The following CNTN6 variants were observed in gnomAD, a reference collection of about 807,000 sequenced individuals.
CNTN6 encodes contactin-6.
CNTN6 carries 137 observed loss-of-function variants against 122.8 expected under a neutral mutation model. The ratio of observed to expected loss-of-function variants is 1.12; its 90% CI spans 0.97 to 1.29. The LOEUF (loss-of-function observed/expected upper bound fraction) is 1.29. Ranked by LOEUF, CNTN6 falls within the 50% of genes most tolerant of loss-of-function variation. The probability of loss-of-function intolerance (pLI) is 0.00; values close to 1 mark genes in which losing one functional copy is unlikely to be tolerated. For missense variants in CNTN6, 1,634 were observed against 1,223.4 expected, an observed-to-expected ratio of 1.34 and a Z score of -5.01; for synonymous variants, 570 against 426.0, an observed-to-expected ratio of 1.34 and a Z score of -4.16.
intron 17 of CNTN6, among the ~76,000 whole-genome samples, chr3:1,379,352 C>T (rs1434830011): frequency 6.6e-6 from 1 of 152,078 alleles, no homozygotes; most frequent in African/African-American, 2.4e-5. Flanking sequence ...TTGCATGAGA[C>T]CATATATCCC....
At chr3:1,095,480 A>G (rs2124914400) in intron 1 of CNTN6, among the ~76,000 whole-genome samples, 1 of 152,256 alleles carries the variant, frequency 6.6e-6, no homozygotes, top group East Asian at 1.9e-4. Context: ...CAAACAAACA[A>G]ACAAACAAAC....
chr3:1,263,818 G>C (rs528861441), intron 4 of CNTN6, among the ~76,000 whole-genome samples: 1 of 152,112 alleles, frequency 6.6e-6, no homozygotes, highest in South Asian at 2.1e-4. Context: ...ATTGCTGACA[G>C]TGACTGGGCC....
intron 11 of CNTN6, among the ~76,000 whole-genome samples, chr3:1,330,952 C>G (rs901686405): frequency 6.6e-6 from 1 of 151,816 alleles, no homozygotes; most frequent in Admixed American, 6.6e-5. Context: ...TCAGAGAAAG[C>G]TAGAAGTCTG....
intron 2 of CNTN6, among the ~76,000 whole-genome samples, chr3:1,178,863 T>C (rs758741129): frequency 7.9e-5 from 12 of 152,166 alleles, no homozygotes; most frequent in Non-Finnish European, 1.3e-4. Context: ...CAGAGAGTAG[T>C]CTGTTTCACT....
intron 1 of CNTN6, among the ~76,000 whole-genome samples, chr3:1,125,894 T>C (rs2092142380): frequency 6.6e-6 from 1 of 151,894 alleles, no homozygotes; most frequent in Non-Finnish European, 1.5e-5. Context: ...GTGAACTAGA[T>C]AATGTTCTGC....
intron 20 of CNTN6, among the ~76,000 whole-genome samples, chr3:1,393,131 A>C (rs1366150902): frequency 3.0e-5 from 2 of 65,624 alleles, no homozygotes; most frequent in Non-Finnish European, 6.5e-5. Flanking sequence ...GGCACTATTC[A>C]CAATAGCAAA....
chr3:1,226,243 T>C (rs2094281911), intron 3 of CNTN6, among the ~76,000 whole-genome samples: 1 of 152,160 alleles, frequency 6.6e-6, no homozygotes, highest in Admixed American at 6.5e-5. Flanking sequence ...AAAATATTTT[T>C]AATATGATTT....
At chr3:1,239,249 C>T (rs918875437) in intron 4 of CNTN6, among the ~76,000 whole-genome samples, 10 of 152,086 alleles carry the variant, frequency 6.6e-5, no homozygotes, top group South Asian at 4.1e-4. Flanking sequence ...GCTGACGTTA[C>T]GATTGTATAC....
chr3:1,300,519 AAG>A (rs1206320470), intron 7 of CNTN6, among the ~76,000 whole-genome samples: 2 of 145,036 alleles, frequency 1.4e-5, no homozygotes, highest in Non-Finnish European at 3.0e-5. Context: ...GAAAGAAAGA[AAG>A]AAAGATAAAG....
chr3:1,307,934 G>C (rs192446778), intron 7 of CNTN6, among the ~76,000 whole-genome samples: 1 of 151,976 alleles, frequency 6.6e-6, no homozygotes, highest in Non-Finnish European at 1.5e-5. Context: ...TTTTTATCAG[G>C]GTTCTCCACT....
intron 2 of CNTN6, among the ~76,000 whole-genome samples, chr3:1,201,058 A>G (rs1379707475): frequency 1.3e-5 from 2 of 150,324 alleles, no homozygotes; most frequent in African/African-American, 4.9e-5. Flanking sequence ...TCCTGAGTAG[A>G]GTAGCTGGGA....
chr3:1,273,922 T>C (rs1691837056), intron 4 of CNTN6, among the ~76,000 whole-genome samples: 1 of 152,216 alleles, frequency 6.6e-6, no homozygotes, highest in African/African-American at 2.4e-5. Context: ...AGATGATTGA[T>C]GTTCCTAGGA....
chr3:1,246,913 G>C (rs1394234516), intron 4 of CNTN6, among the ~76,000 whole-genome samples: 6 of 152,102 alleles, frequency 3.9e-5, no homozygotes, highest in African/African-American at 1.4e-4. Flanking sequence ...TGATTCTAGA[G>C]AAGAGCACAA....
chr3:1,317,112 G>A (rs1700194976), intron 7 of CNTN6, among the ~76,000 whole-genome samples: 1 of 152,042 alleles, frequency 6.6e-6, no homozygotes, highest in Non-Finnish European at 1.5e-5. Flanking sequence ...CTGTGAAATT[G>A]TATAAACCTG....
intron 4 of CNTN6, among the ~76,000 whole-genome samples, chr3:1,244,023 C>T (rs1007136624): frequency 1.3e-5 from 2 of 152,200 alleles, no homozygotes; most frequent in East Asian, 3.9e-4. Flanking sequence ...CACCTCAGAC[C>T]ATTTGCCCAT....
chr3:1,150,837 A>G (rs144670806), intron 2 of CNTN6, among the ~76,000 whole-genome samples: 5 of 152,308 alleles, frequency 3.3e-5, no homozygotes, highest in Non-Finnish European at 5.9e-5. Flanking sequence ...GCCCTGGACT[A>G]TCCAGATTGT....
intron 11 of CNTN6, among the ~76,000 whole-genome samples, chr3:1,336,192 A>T (rs774522167): frequency 6.6e-6 from 1 of 151,842 alleles, no homozygotes; most frequent in Non-Finnish European, 1.5e-5. Flanking sequence ...AAAATAAAAT[A>T]CAGCTAAATG....
At chr3:1,143,432 C>A (rs1219464745) in intron 1 of CNTN6, among the ~76,000 whole-genome samples, 2 of 152,064 alleles carry the variant, frequency 1.3e-5, no homozygotes, top group Admixed American at 1.3e-4. Flanking sequence ...CTAGAAGTTT[C>A]TTTAAGTTAG....
chr3:1,374,677 C>T (rs1237406524), intron 16 of CNTN6, among the ~76,000 whole-genome samples: 22 of 152,054 alleles, frequency 1.4e-4, no homozygotes, highest in Admixed American at 1.4e-3. Context: ...CAAACTTTTA[C>T]ATCCAGGGTG....
Sources: allele counts gnomAD v4.1 joint callset (sites outside exome capture counted in the v4.1 genomes callset), GRCh38; gene constraint gnomAD v4.1.1; transcripts MANE v1.5; gene names NCBI Gene and HGNC (gene_info 2026-07-23, HGNC 2026-07-21).